Variants in BMERB1 observed in about 807,000 individuals in gnomAD.
BMERB1 encodes bMERB domain-containing protein 1.
A neutral mutation model predicts 23.6 loss-of-function variants in BMERB1; 12 were observed. That is an observed-to-expected ratio of 0.51 (90% CI 0.33 to 0.82). The LOEUF (loss-of-function observed/expected upper bound fraction) is 0.82, where lower values mean the gene tolerates loss of function less well. Ranked by LOEUF, BMERB1 falls within the 40% of genes least tolerant of loss-of-function variation. BMERB1 has a pLI of 0.03. For missense variants in BMERB1, 247 were observed against 255.4 expected, an observed-to-expected ratio of 0.97 and a Z score of 0.22; for synonymous variants, 122 against 96.6, an observed-to-expected ratio of 1.26 and a Z score of -1.54.
intron 3 of BMERB1, among the ~76,000 whole-genome samples, chr16:15,578,294 G>A (rs1288029934): frequency 6.6e-6 from 1 of 150,830 alleles, no homozygotes; most frequent in African/African-American, 2.4e-5. Flanking sequence ...GAACTCCCAG[G>A]CTTAAGTGAT....
chr16:15,526,353 T>G (rs2051904602), intron 2 of BMERB1, among the ~76,000 whole-genome samples: 1 of 152,082 alleles, frequency 6.6e-6, no homozygotes, highest in Non-Finnish European at 1.5e-5. Context: ...AGCAACAGGT[T>G]TATATAAAGT....
chr16:15,521,266 A>G (rs1476351699), intron 2 of BMERB1, among the ~76,000 whole-genome samples: 1 of 152,192 alleles, frequency 6.6e-6, no homozygotes, highest in Non-Finnish European at 1.5e-5. Context: ...TCTGCACATA[A>G]ACTGTTTATT....
chr16:15,450,628 G>T (rs563701727), intron 1 of BMERB1, among the ~76,000 whole-genome samples: 1 of 152,104 alleles, frequency 6.6e-6, no homozygotes, highest in Non-Finnish European at 1.5e-5. Context: ...AAGCCACCAT[G>T]CCTGGCTAAT....
intron 1 of BMERB1, among the ~76,000 whole-genome samples, chr16:15,435,468 T>A (rs1383292317): frequency 6.6e-6 from 1 of 152,244 alleles, no homozygotes; most frequent in Non-Finnish European, 1.5e-5. Flanking sequence ...TTGTTTTTCA[T>A]TAATAGGATA....
intron 5 of BMERB1, among the ~76,000 whole-genome samples, chr16:15,584,569 AAAG>A (rs994695385): frequency 9.9e-5 from 15 of 151,492 alleles, no homozygotes; most frequent in South Asian, 6.5e-4. Context: ...AAAAAAAAAA[AAAG>A]AAAGAAAGAA....
At chr16:15,572,360 C>T (rs779263702) in intron 3 of BMERB1, among the ~76,000 whole-genome samples, 12 of 152,298 alleles carry the variant, frequency 7.9e-5, no homozygotes, top group East Asian at 1.9e-4. Context: ...CTCTAGCTTT[C>T]GTGAGCATTT....
At chr16:15,504,849 C>A (rs185562154) in intron 1 of BMERB1, among the ~76,000 whole-genome samples, 1 of 152,034 alleles carries the variant, frequency 6.6e-6, no homozygotes, top group East Asian at 1.9e-4. Flanking sequence ...GATTCTCCCC[C>A]AACACTGACT....
chr16:15,533,060 C>A (rs1234677122), intron 2 of BMERB1: 5 of 454,926 alleles, frequency 1.1e-5, no homozygotes, highest in African/African-American at 2.0e-5. Context: ...GCCATGCATC[C>A]AGTATCTCGC....
chr16:15,514,467 G>T (rs749234572), intron 1 of BMERB1, among the ~76,000 whole-genome samples: 1 of 152,078 alleles, frequency 6.6e-6, no homozygotes, highest in Non-Finnish European at 1.5e-5. Flanking sequence ...GCTTTTGTGA[G>T]CCCACTTGTG....
intron 3 of BMERB1, among the ~76,000 whole-genome samples, chr16:15,570,404 G>A (rs570075998): frequency 6.6e-6 from 1 of 152,282 alleles, no homozygotes; most frequent in African/African-American, 2.4e-5. Flanking sequence ...ATTGACATTT[G>A]GGGTTGACAA....
intron 2 of BMERB1, among the ~76,000 whole-genome samples, chr16:15,524,172 C>G (rs997769209): frequency 6.6e-6 from 1 of 152,150 alleles, no homozygotes; most frequent in African/African-American, 2.4e-5. Flanking sequence ...TAGTTGCACA[C>G]AGGGTTTTAA....
chr16:15,539,827 G>A (rs2052061255), intron 2 of BMERB1, among the ~76,000 whole-genome samples: 1 of 150,192 alleles, frequency 6.7e-6, no homozygotes, highest in African/African-American at 2.5e-5. Flanking sequence ...TGGTGACAGA[G>A]CAAGATTCCG....
At chr16:15,585,511 C>T (rs1596406244) in intron 5 of BMERB1, among the ~76,000 whole-genome samples, 1 of 152,132 alleles carries the variant, frequency 6.6e-6, no homozygotes, top group Non-Finnish European at 1.5e-5. Flanking sequence ...AAAAAAGCAA[C>T]CCCCTTGAAG....
At chr16:15,553,381 A>G (rs1347771586) in intron 2 of BMERB1, among the ~76,000 whole-genome samples, 3 of 152,224 alleles carry the variant, frequency 2.0e-5, no homozygotes, top group East Asian at 3.9e-4. Context: ...AGGCTGAGGC[A>G]GGAGGATTGC....
intron 1 of BMERB1, chr16:15,448,062 GT>G (rs1360570427): frequency 2.6e-6 from 1 of 380,784 alleles, no homozygotes; most frequent in Non-Finnish European, 5.2e-6. Flanking sequence ...GCTAATTTTT[GT>G]ACTTTTAGTA....
chr16:15,508,546 T>C (rs2150946960), intron 1 of BMERB1, among the ~76,000 whole-genome samples: 1 of 152,174 alleles, frequency 6.6e-6, no homozygotes, highest in African/African-American at 2.4e-5. Flanking sequence ...GCAGACTAAA[T>C]GAGATGAGAT....
intron 1 of BMERB1, among the ~76,000 whole-genome samples, chr16:15,490,755 G>A (rs982450849): frequency 6.6e-6 from 1 of 152,224 alleles, no homozygotes; most frequent in Non-Finnish European, 1.5e-5. Context: ...CTGTGATGCT[G>A]GAAAGTTGTG....
At chr16:15,461,242 A>G (rs368497409) in intron 1 of BMERB1, among the ~76,000 whole-genome samples, 1 of 152,098 alleles carries the variant, frequency 6.6e-6, no homozygotes, top group East Asian at 1.9e-4. Flanking sequence ...GGGAGGAGCA[A>G]AATCACTCCT....
At chr16:15,437,936 T>C (rs979128253) in intron 1 of BMERB1, among the ~76,000 whole-genome samples, 3 of 147,674 alleles carry the variant, frequency 2.0e-5, no homozygotes, top group African/African-American at 2.5e-5. Context: ...CCAGCCTGGG[T>C]GACAGAGTGA....
Sources: gnomAD v4.1 joint callset for allele counts (sites outside exome capture counted in the v4.1 genomes callset) on GRCh38, gnomAD v4.1.1 for gene constraint, MANE v1.5 for transcripts, NCBI Gene and HGNC (gene_info 2026-07-23, HGNC 2026-07-21) for gene names.